The following NDUFAF2 variants were observed in gnomAD, a reference collection of about 807,000 sequenced individuals.
NDUFAF2 encodes NADH dehydrogenase [ubiquinone] 1 alpha subcomplex assembly factor 2.
NDUFAF2 carries 13 observed loss-of-function variants against 22.8 expected under a neutral mutation model. The ratio of observed to expected loss-of-function variants is 0.57; its 90% CI spans 0.37 to 0.91. The LOEUF (loss-of-function observed/expected upper bound fraction) is 0.91. NDUFAF2 is among the 40% of genes least tolerant of loss of function. NDUFAF2 has a pLI of 0.01. For synonymous variants in NDUFAF2, 53 were observed against 64.2 expected (o/e 0.83, Z 0.84); for missense variants, 162 against 195.2 (o/e 0.83, Z 1.01).
At chr5:61,045,527 C>T (rs111592263) in intron 1 of NDUFAF2, among the ~76,000 whole-genome samples, 250 of 151,478 alleles carry the variant, frequency 1.7e-3, no homozygotes, top group African/African-American at 5.7e-3. Context: ...TTTTTAGAGA[C>T]GGGGTCTCGC....
At chr5:61,052,352 C>G (rs752596455) in intron 1 of NDUFAF2, among the ~76,000 whole-genome samples, 4 of 152,078 alleles carry the variant, frequency 2.6e-5, no homozygotes, top group Non-Finnish European at 4.4e-5. Context: ...GCTCTGTCGC[C>G]CAGGCTGGAG....
intron 1 of NDUFAF2, among the ~76,000 whole-genome samples, chr5:60,948,837 A>G (rs2112561333): frequency 6.6e-6 from 1 of 152,278 alleles, no homozygotes; most frequent in East Asian, 1.9e-4. Flanking sequence ...GGCTGAGTCA[A>G]CTTGTTAGGT....
At chr5:61,124,094 T>A (rs1233218366) in intron 3 of NDUFAF2, among the ~76,000 whole-genome samples, 1 of 152,134 alleles carries the variant, frequency 6.6e-6, no homozygotes, top group African/African-American at 2.4e-5. Context: ...GAACAATATT[T>A]AAGTTTTAAA....
At chr5:61,147,433 C>CTTTTTTTTTTTTTT (rs1561139813) in intron 3 of NDUFAF2, among the ~76,000 whole-genome samples, 2 of 47,470 alleles carry the variant, frequency 4.2e-5, no homozygotes, top group East Asian at 3.0e-3. Flanking sequence ...ATTTTTTTTT[C>CTTTTTTTTTTTTTT]TTTCTTTTTT....
intron 2 of NDUFAF2, among the ~76,000 whole-genome samples, chr5:61,094,812 C>G (rs1305155492): frequency 6.6e-6 from 1 of 152,190 alleles, no homozygotes; most frequent in Non-Finnish European, 1.5e-5. Context: ...TGCGAAACAG[C>G]AAAGCTGGCA....
At chr5:60,983,482 A>G (rs1485093061) in intron 1 of NDUFAF2, among the ~76,000 whole-genome samples, 19 of 146,260 alleles carry the variant, frequency 1.3e-4, no homozygotes, top group African/African-American at 4.3e-4. Flanking sequence ...GCCCATGCCT[A>G]TGTCCTGAAT....
intron 1 of NDUFAF2, among the ~76,000 whole-genome samples, chr5:60,982,449 A>G (rs1750997460): frequency 6.6e-6 from 1 of 151,982 alleles, no homozygotes; most frequent in Non-Finnish European, 1.5e-5. Context: ...TACACAACGT[A>G]CAGGTTTGTT....
At chr5:61,102,679 C>T (rs1752717249) in intron 3 of NDUFAF2, among the ~76,000 whole-genome samples, 1 of 151,934 alleles carries the variant, frequency 6.6e-6, no homozygotes. Flanking sequence ...AATTCTAATG[C>T]TCATTATAAG....
chr5:61,073,242 A>G, intron 2 of NDUFAF2, 28 bp downstream of exon 2: 1 of 1,473,558 alleles, frequency 6.8e-7, no homozygotes, highest in Admixed American at 1.7e-5. Flanking sequence ...GTAGAATCTC[A>G]TGGGAGGTAA....
At chr5:61,056,889 C>CAAAAAAAAAA (rs144850054) in intron 1 of NDUFAF2, among the ~76,000 whole-genome samples, 1 of 46,794 alleles carries the variant, frequency 2.1e-5, no homozygotes. Flanking sequence ...ACTCTGTCTC[C>CAAAAAAAAAA]AAAAAAAAAA....
At chr5:60,983,858 G>T (rs1186035803) in intron 1 of NDUFAF2, among the ~76,000 whole-genome samples, 38 of 152,002 alleles carry the variant, frequency 2.5e-4, no homozygotes, top group Non-Finnish European at 2.9e-5. Flanking sequence ...TTGTTCTTTT[G>T]GCTTAGGATT....
At chr5:60,975,868 G>A (rs1490656972) in intron 1 of NDUFAF2, among the ~76,000 whole-genome samples, 2 of 152,184 alleles carry the variant, frequency 1.3e-5, no homozygotes, top group East Asian at 1.9e-4. Flanking sequence ...ACGATATGCC[G>A]TTAGAATTAA....
At chr5:61,148,566 C>A (rs915245038) in intron 3 of NDUFAF2, among the ~76,000 whole-genome samples, 27 of 152,310 alleles carry the variant, frequency 1.8e-4, no homozygotes, top group Non-Finnish European at 3.5e-4. Flanking sequence ...TCTTTCCCAA[C>A]CTTTACAACA....
chr5:60,974,936 C>T (rs929789508), intron 1 of NDUFAF2, among the ~76,000 whole-genome samples: 1 of 152,050 alleles, frequency 6.6e-6, no homozygotes, highest in Non-Finnish European at 1.5e-5. Flanking sequence ...CTGCCTCAGC[C>T]TCCCAAGTAA....
chr5:60,957,533 A>G (rs1224309664), intron 1 of NDUFAF2, among the ~76,000 whole-genome samples: 1 of 149,846 alleles, frequency 6.7e-6, no homozygotes, highest in Non-Finnish European at 1.5e-5. Flanking sequence ...GTCTCTATAG[A>G]TTCTCCCTTT....
At chr5:61,029,562 T>C (rs1208309609) in intron 1 of NDUFAF2, among the ~76,000 whole-genome samples, 1 of 152,134 alleles carries the variant, frequency 6.6e-6, no homozygotes, top group Non-Finnish European at 1.5e-5. Context: ...TTTTCCTGGC[T>C]CTGAAAGCAC....
intron 1 of NDUFAF2, among the ~76,000 whole-genome samples, chr5:60,984,213 T>G (rs1485021832): frequency 6.6e-6 from 1 of 152,208 alleles, no homozygotes; most frequent in African/African-American, 2.4e-5. Flanking sequence ...GTTATTGGTG[T>G]ATAAGAATGC....
chr5:60,946,619 T>TA (rs1264253704), intron 1 of NDUFAF2, among the ~76,000 whole-genome samples: 4 of 152,246 alleles, frequency 2.6e-5, no homozygotes, highest in Admixed American at 6.5e-5. Context: ...TCAGTAAAAT[T>TA]AAAAATATGC....
chr5:61,082,237 G>C (rs1414825943), intron 2 of NDUFAF2, among the ~76,000 whole-genome samples: 4 of 152,082 alleles, frequency 2.6e-5, no homozygotes, highest in Non-Finnish European at 5.9e-5. Context: ...CATTCTTGGG[G>C]ATGAAATAGA....
Sources: allele counts gnomAD v4.1 joint callset (sites outside exome capture counted in the v4.1 genomes callset), GRCh38; gene constraint gnomAD v4.1.1; transcripts MANE v1.5; gene names NCBI Gene and HGNC (gene_info 2026-07-23, HGNC 2026-07-21).